SPIDR: variants seen among roughly 807,000 people sequenced by gnomAD.
SPIDR encodes the protein DNA repair-scaffolding protein.
A neutral mutation model predicts 104.6 loss-of-function variants in SPIDR; 93 were observed. That is an observed-to-expected ratio of 0.89 (90% CI 0.75 to 1.06). The LOEUF is 1.06. Ranked by LOEUF, SPIDR falls within the 50% of genes least tolerant of loss-of-function variation. The pLI is 0.00. For missense variants in SPIDR, 1,154 were observed against 1,111.2 expected (o/e 1.04, Z -0.55); for synonymous variants, 431 against 416.9 (o/e 1.03, Z -0.41).
At chr8:47,331,674 C>CTTAG (rs1330100762) in intron 5 of SPIDR, among the ~76,000 whole-genome samples, 1 of 152,140 alleles carries the variant, frequency 6.6e-6, no homozygotes. Flanking sequence ...TACACTTAGA[C>CTTAG]TACACTAAAC....
chr8:47,559,562 T>C (rs2056814118), intron 8 of SPIDR, among the ~76,000 whole-genome samples: 1 of 152,216 alleles, frequency 6.6e-6, no homozygotes, highest in Non-Finnish European at 1.5e-5. Flanking sequence ...TATGTTCGTC[T>C]TTGTAGGGGT....
rs118005715 is a variant in SPIDR, at chr8:47,480,567, A to T, written c.1097+40025A>T. On this transcript the variant is annotated intron_variant, in intron 8 of 19. Coordinates refer to ENST00000297423, the MANE Select transcript of SPIDR (RefSeq NM_001080394.4). The stretch of plus-strand genomic sequence containing the variant: ...GTGGGTAGTTGGTGGATGACGTCAA[A>T]TGTCAGAATGGTGAACAGCTTCGTT... 4.2e-3 allele frequency among the ~76,000 whole-genome samples: 636 copies of T among 152,330 alleles called. 2 individuals carry two copies. Among genetic ancestry groups the T allele is most frequent in the Non-Finnish European group, 6.2e-3 (422 of 68,024 alleles).
At chr8:47,628,311 G>A (rs771433762) in intron 10 of SPIDR, among the ~76,000 whole-genome samples, 24 of 152,164 alleles carry the variant, frequency 1.6e-4, no homozygotes, top group Non-Finnish European at 4.4e-5. Flanking sequence ...TGGGGATAGA[G>A]AATAATTTAA....
intron 8 of SPIDR, among the ~76,000 whole-genome samples, chr8:47,500,522 C>T (rs1003788317): frequency 1.3e-5 from 2 of 152,092 alleles, no homozygotes; most frequent in African/African-American, 4.8e-5. Context: ...TGTTTGAGTT[C>T]ATTGTAGATT....
At chr8:47,607,009 C>T (rs923793581) in intron 10 of SPIDR, among the ~76,000 whole-genome samples, 8 of 152,198 alleles carry the variant, frequency 5.3e-5, no homozygotes, top group Non-Finnish European at 7.3e-5. Flanking sequence ...TTATGTACCA[C>T]CACATACTGC....
At chr8:47,397,505 C>T (rs1554659264) in intron 6 of SPIDR, among the ~76,000 whole-genome samples, 2 of 151,752 alleles carry the variant, frequency 1.3e-5, no homozygotes, top group Non-Finnish European at 2.9e-5. Flanking sequence ...CTAAAAACAA[C>T]AACAAAAAAA....
intron 1 of SPIDR, among the ~76,000 whole-genome samples, chr8:47,263,865 C>T (rs1309838998): frequency 6.6e-6 from 1 of 152,162 alleles, no homozygotes; most frequent in Non-Finnish European, 1.5e-5. Context: ...CTTACTATTC[C>T]ATGTCTTACA....
intron 7 of SPIDR, among the ~76,000 whole-genome samples, chr8:47,410,745 G>A (rs1482555322): frequency 1.3e-5 from 2 of 151,964 alleles, no homozygotes; most frequent in Admixed American, 1.3e-4. Context: ...TGCCATGTTG[G>A]TGTGCTGCAC....
At chr8:47,506,466 G>A (rs1217119891) in intron 8 of SPIDR, among the ~76,000 whole-genome samples, 1 of 152,090 alleles carries the variant, frequency 6.6e-6, no homozygotes, top group East Asian at 1.9e-4. Flanking sequence ...AATTTAGGCA[G>A]TGTTCTGTCT....
rs151328501 is a variant in SPIDR at position 47,491,470 on chromosome 8, C to CTA, written c.1097+50945_1097+50946dup. Among the ~76,000 whole-genome samples the CTA allele has an allele frequency of 7.7e-3, 1,119 of 146,148 alleles. 3 individuals carry two copies. The highest frequency in any genetic ancestry group is 0.016 in the African/African-American group (632 of 40,042). On this transcript the variant is annotated intron_variant, in intron 8 of 19. Coordinates refer to ENST00000297423, the MANE Select transcript of SPIDR (RefSeq NM_001080394.4). Reference sequence around the variant, plus strand: ...ATATCAGTAGCCACAGTGACCACAACTATATATATATATATATAGTTCATG... The same window carrying CTA: ...ATATCAGTAGCCACAGTGACCACAACTATATATATATATATATATAGTTCATG...
chr8:47,343,531 T>A (rs540934232), intron 5 of SPIDR, among the ~76,000 whole-genome samples: 2 of 152,132 alleles, frequency 1.3e-5, no homozygotes, highest in South Asian at 2.1e-4. Context: ...AGAAGAAGCC[T>A]GAGGATTTCT....
intron 10 of SPIDR, among the ~76,000 whole-genome samples, chr8:47,609,469 T>A (rs1459137952): frequency 6.6e-6 from 1 of 152,220 alleles, no homozygotes; most frequent in East Asian, 1.9e-4. Context: ...GAGATTATGT[T>A]TAGTACTAGT....
chr8:47,301,310 TCA>T (rs2042043094), intron 5 of SPIDR, among the ~76,000 whole-genome samples: 1 of 152,072 alleles, frequency 6.6e-6, no homozygotes, highest in Non-Finnish European at 1.5e-5. Flanking sequence ...AGATCTTCCT[TCA>T]TCCTTTATTT....
intron 10 of SPIDR, among the ~76,000 whole-genome samples, chr8:47,625,591 T>C (rs1211400344): frequency 1.3e-5 from 2 of 151,424 alleles, no homozygotes; most frequent in East Asian, 1.9e-4. Context: ...TATACACCAA[T>C]AACAGGCAAA....
At chr8:47,663,071 C>A (rs938754107) in intron 10 of SPIDR, among the ~76,000 whole-genome samples, 2 of 152,210 alleles carry the variant, frequency 1.3e-5, no homozygotes, top group African/African-American at 2.4e-5. Flanking sequence ...TATCTTCTAG[C>A]CTCCTTCCAG....
At chr8:47,582,813 C>T (rs1200742686) in intron 8 of SPIDR, among the ~76,000 whole-genome samples, 1 of 145,284 alleles carries the variant, frequency 6.9e-6, no homozygotes, top group African/African-American at 2.6e-5. Context: ...CTCCATTAAA[C>T]AACAACAACA....
intron 10 of SPIDR, among the ~76,000 whole-genome samples, chr8:47,650,873 T>C (rs999729633): frequency 2.0e-5 from 3 of 152,112 alleles, no homozygotes; most frequent in African/African-American, 7.2e-5. Flanking sequence ...TATTTAATCA[T>C]TGGTGATGGG....
chr8:47,682,316 G>T (rs905404426), intron 11 of SPIDR, among the ~76,000 whole-genome samples: 1 of 150,506 alleles, frequency 6.6e-6, no homozygotes, highest in African/African-American at 2.4e-5. Flanking sequence ...CTCCCGTATT[G>T]TGAAATGTCC....
chr8:47,297,411 TATC>T (rs2041064835), intron 5 of SPIDR, among the ~76,000 whole-genome samples: 1 of 152,216 alleles, frequency 6.6e-6, no homozygotes, highest in Non-Finnish European at 1.5e-5. Context: ...TGACAGTTTT[TATC>T]ATGAAATAAT....
Sources: allele counts gnomAD v4.1 joint callset (sites outside exome capture counted in the v4.1 genomes callset), GRCh38; gene constraint gnomAD v4.1.1; transcripts MANE v1.5; gene names NCBI Gene and HGNC (gene_info 2026-07-23, HGNC 2026-07-21).